PPM1L: variants seen among roughly 807,000 people sequenced by gnomAD.
PPM1L encodes the protein protein phosphatase, Mg2+/Mn2+ dependent 1L, also known as protein phosphatase 1L.
PPM1L carries 13 observed loss-of-function variants against 31.4 expected under a neutral mutation model. The ratio of observed to expected loss-of-function variants is 0.41; its 90% confidence interval spans 0.27 to 0.66. The LOEUF (loss-of-function observed/expected upper bound fraction) is 0.66. Among genes scored for constraint, PPM1L ranks in the 30% least tolerant of loss-of-function variants. PPM1L has a pLI of 0.29. For missense variants in PPM1L, 326 were observed against 453.7 expected (o/e 0.72, Z 2.56); for synonymous variants, 184 against 175.4 (o/e 1.05, Z -0.39).
intron 3 of PPM1L, 122 bp from the exon 4 acceptor site, chr3:161,068,689 A>G: frequency 2.7e-6 from 2 of 743,728 alleles, no homozygotes; most frequent in Non-Finnish European, 4.4e-6. Context: ...TGATGGGGTT[A>G]AGGGGAGTGC....
chr3:161,065,624 G>A (rs898928084), intron 3 of PPM1L, 60 bp downstream of exon 3: 1 of 1,511,906 alleles, frequency 6.6e-7, no homozygotes, highest in Non-Finnish European at 9.1e-7. Flanking sequence ...AAGGCGGCTT[G>A]CTTGGAGAGC....
chr3:160,786,149 CTCTCTCTCTGTGTGTGTG>C (rs1194346606), intron 1 of PPM1L, among the ~76,000 whole-genome samples: 8 of 88,990 alleles, frequency 9.0e-5, no homozygotes, highest in African/African-American at 6.2e-4. Context: ...CTCTCTCTCT[CTCTCTCTCTGTGTGTGTG>C]TGTGTGTGTG....
intron 1 of PPM1L, among the ~76,000 whole-genome samples, chr3:160,761,915 A>G (rs113703053): frequency 0.016 from 2,510 of 152,244 alleles, 63 homozygotes; most frequent in African/African-American, 0.057. Context: ...GAACAGTATG[A>G]GAATGACCTG....
intron 1 of PPM1L, among the ~76,000 whole-genome samples, chr3:160,873,996 A>G (rs1712411657): frequency 6.6e-6 from 1 of 152,144 alleles, no homozygotes; most frequent in South Asian, 2.1e-4. Context: ...AGGGCTATTA[A>G]TTTTCTGTCT....
At chr3:160,850,169 C>G (rs985126130) in intron 1 of PPM1L, among the ~76,000 whole-genome samples, 12 of 152,108 alleles carry the variant, frequency 7.9e-5, no homozygotes, top group Non-Finnish European at 1.6e-4. Context: ...GAATGGTGCA[C>G]AGAACACAGG....
intron 1 of PPM1L, among the ~76,000 whole-genome samples, chr3:160,799,027 G>A (rs1460171208): frequency 6.6e-6 from 1 of 152,204 alleles, no homozygotes; most frequent in African/African-American, 2.4e-5. Flanking sequence ...CTGAATTTCT[G>A]TAGCTGAATT....
At chr3:160,931,681 A>G (rs1003394457) in intron 1 of PPM1L, among the ~76,000 whole-genome samples, 2 of 152,226 alleles carry the variant, frequency 1.3e-5, no homozygotes, top group African/African-American at 4.8e-5. Context: ...CCTTGTTTTC[A>G]GTTCACATAT....
At chr3:161,023,517 GT>G (rs1235610043) in intron 2 of PPM1L, among the ~76,000 whole-genome samples, 2 of 152,090 alleles carry the variant, frequency 1.3e-5, no homozygotes, top group African/African-American at 4.8e-5. Context: ...CATATCGGCT[GT>G]AAAATCCTTC....
At position 160,940,458 on chromosome 3, in the gene PPM1L, T is replaced by G. The variant is rs566992822; in HGVS notation, c.400-21278T>G. Among the ~76,000 whole-genome samples the G allele has an allele frequency of 1.5e-3, 221 of 152,254 alleles. 1 individual carries two copies. The highest frequency in any genetic ancestry group is 3.7e-3 in the South Asian group (18 of 4,822). On this transcript the variant is annotated intron_variant, in intron 1 of 3. Transcript: ENST00000498165. ...GGCCCGGGAGGAAAAAGTGGTTTTG[T>G]GGGCTGGGCGCAGGGTCCCTGTGCT...
intron 1 of PPM1L, among the ~76,000 whole-genome samples, chr3:160,836,695 T>G (rs932600171): frequency 6.6e-6 from 1 of 152,224 alleles, no homozygotes; most frequent in South Asian, 2.1e-4. Flanking sequence ...TTGGACACTT[T>G]CTGTGTTTTC....
chr3:160,835,269 G>A (rs4256178), intron 1 of PPM1L, among the ~76,000 whole-genome samples: 58,067 of 148,856 alleles, frequency 0.39, 12,160 homozygotes, highest in East Asian at 0.6. Flanking sequence ...CTCTGAAAAC[G>A]CATTGTATAG....
chr3:161,031,765 G>A (rs1718573046), intron 2 of PPM1L, among the ~76,000 whole-genome samples: 1 of 152,100 alleles, frequency 6.6e-6, no homozygotes, highest in Middle Eastern at 3.4e-3. Flanking sequence ...GCCTCCCAAC[G>A]TGCTGGGATT....
intron 1 of PPM1L, among the ~76,000 whole-genome samples, chr3:160,879,477 C>A (rs966755264): frequency 6.6e-6 from 1 of 152,004 alleles, no homozygotes; most frequent in Non-Finnish European, 1.5e-5. Flanking sequence ...TATAAATGCT[C>A]ATTATGTTTT....
intron 1 of PPM1L, among the ~76,000 whole-genome samples, chr3:160,937,031 C>T (rs1157354087): frequency 6.6e-6 from 1 of 152,036 alleles, no homozygotes; most frequent in African/African-American, 2.4e-5. Flanking sequence ...ATAGTAAATG[C>T]TCAATAACCG....
intron 1 of PPM1L, among the ~76,000 whole-genome samples, chr3:160,801,071 T>C (rs1316993209): frequency 6.6e-6 from 1 of 152,098 alleles, no homozygotes; most frequent in African/African-American, 2.4e-5. Context: ...AACGTAGATA[T>C]ATAAATAGGT....
At chr3:160,972,765 G>A (rs1438374612) in intron 2 of PPM1L, among the ~76,000 whole-genome samples, 2 of 152,060 alleles carry the variant, frequency 1.3e-5, no homozygotes, top group African/African-American at 2.4e-5. Context: ...GATCCCTGAG[G>A]AATCGCCACA....
intron 2 of PPM1L, among the ~76,000 whole-genome samples, chr3:160,963,922 A>T (rs922128212): frequency 6.6e-6 from 1 of 152,030 alleles, no homozygotes; most frequent in Admixed American, 6.6e-5. Flanking sequence ...GAGTTAGAGG[A>T]TCTAAGGTCT....
chr3:160,796,551 G>C lies in PPM1L; in HGVS notation c.399+39844G>C, dbSNP rs144484893. ...GTGGTGCAACTTCACTTTGCTCTTT[G>C]TGGGACCTTAATTAGTTTGAGTATT... On this transcript the variant is annotated intron_variant, in intron 1 of 3. Coordinates refer to ENST00000498165, the MANE Select transcript of PPM1L (RefSeq NM_139245.4). 2.4e-3 allele frequency among the ~76,000 whole-genome samples: 371 copies of C among 152,314 alleles called. 2 individuals are homozygous for C. Among genetic ancestry groups the C allele is most frequent in the African/African-American group, 8.4e-3 (348 of 41,564 alleles).
intron 2 of PPM1L, among the ~76,000 whole-genome samples, chr3:161,038,516 GCC>G (rs1718812877): frequency 7.0e-6 from 1 of 143,508 alleles, no homozygotes; most frequent in Admixed American, 7.3e-5. Context: ...TCACTATGTT[GCC>G]CAGGCTCAAA....
Sources: gnomAD v4.1 joint callset for allele counts (sites outside exome capture counted in the v4.1 genomes callset) on GRCh38, gnomAD v4.1.1 for gene constraint, MANE v1.5 for transcripts, NCBI Gene and HGNC (gene_info 2026-07-23, HGNC 2026-07-21) for gene names.